Variants in PHTF1 observed in about 807,000 individuals in gnomAD.
PHTF1 encodes putative homeodomain transcription factor 1.
In PHTF1, 88 loss-of-function variants were observed where a neutral mutation model predicts 102.4. The ratio of observed to expected loss-of-function variants is 0.86; its 90% CI spans 0.72 to 1.03. The LOEUF is 1.03. PHTF1 is among the 50% of genes least tolerant of loss of function. The pLI is 0.00. For missense variants in PHTF1, 814 were observed against 909.5 expected (o/e 0.89, Z 1.35); for synonymous variants, 289 against 305.2 (o/e 0.95, Z 0.55).
At position 113,697,534 on chromosome 1, in the gene PHTF1, T is replaced by G. The variant is rs1234579219; in HGVS notation, c.*171A>C. The G allele has an allele frequency of 3.5e-6, 2 of 567,580 alleles. No homozygotes were observed. The highest frequency in any genetic ancestry group is 1.9e-5 in the African/African-American group (1 of 51,598). 35.2% of individuals were successfully genotyped at this position (567,580 alleles called of 1,614,324 possible). On this transcript the variant is annotated 3_prime_UTR_variant, in exon 19 of 19. Coordinates refer to ENST00000369604, the MANE Select transcript of PHTF1 (RefSeq NM_001323043.2). ...ACAGGTTTTTAGCATGCACACCCAG[T>G]TGGAAAAGGACTTGCTCCTCCGGAA...
intron 5 of PHTF1, among the ~76,000 whole-genome samples, chr1:113,733,590 A>G (rs1655041419): frequency 6.6e-6 from 1 of 152,100 alleles, no homozygotes; most frequent in Admixed American, 6.6e-5. Flanking sequence ...CATGAATGAG[A>G]TTAGTAACCT....
chr1:113,719,697 G>A (rs772334106), intron 7 of PHTF1, among the ~76,000 whole-genome samples: 5 of 152,094 alleles, frequency 3.3e-5, no homozygotes, highest in Admixed American at 2.0e-4. Flanking sequence ...TCTTCTGAGC[G>A]CTCCAAACTG....
chr1:113,728,957 A>T (rs1654232878), intron 5 of PHTF1, among the ~76,000 whole-genome samples: 1 of 152,182 alleles, frequency 6.6e-6, no homozygotes, highest in Non-Finnish European at 1.5e-5. Flanking sequence ...TCAGTATATC[A>T]AAGAGTCACT....
At chr1:113,731,822 G>T (rs1368106773) in intron 5 of PHTF1, among the ~76,000 whole-genome samples, 1 of 150,026 alleles carries the variant, frequency 6.7e-6, no homozygotes, top group African/African-American at 2.5e-5. Context: ...ACTTGAACCC[G>T]GGTGGCAGAG....
intron 3 of PHTF1, among the ~76,000 whole-genome samples, chr1:113,745,301 T>C (rs1431404757): frequency 6.6e-6 from 1 of 151,982 alleles, no homozygotes; most frequent in Non-Finnish European, 1.5e-5. Flanking sequence ...ATAATCAAAT[T>C]TGTGTTAAAA....
At chr1:113,726,612 C>T (rs2101458879) in intron 5 of PHTF1, 38 bp from the exon 6 acceptor site, 2 of 1,270,952 alleles carry the variant, frequency 1.6e-6, no homozygotes, top group Non-Finnish European at 2.2e-6. Flanking sequence ...AACATTAGAG[C>T]TCTTCTTTAA....
At chr1:113,725,974 GA>G (rs935821622) in intron 6 of PHTF1, 148 of 145,152 alleles carry the variant, frequency 1.0e-3, no homozygotes, top group South Asian at 2.1e-3. Context: ...GTCTCAAAAA[GA>G]AAAAAAAAAA....
At chr1:113,755,088 T>C (rs1658642593) in intron 3 of PHTF1, among the ~76,000 whole-genome samples, 1 of 152,030 alleles carries the variant, frequency 6.6e-6, no homozygotes, top group African/African-American at 2.4e-5. Flanking sequence ...TTCTGAATTA[T>C]ACTTTTAAAT....
intron 3 of PHTF1, among the ~76,000 whole-genome samples, chr1:113,739,218 T>C (rs1655974149): frequency 6.6e-6 from 1 of 152,216 alleles, no homozygotes; most frequent in Non-Finnish European, 1.5e-5. Context: ...GATTCCCTTT[T>C]ACTGGGGACA....
chr1:113,710,799 T>TAC (rs1650966948), intron 10 of PHTF1, among the ~76,000 whole-genome samples: 1 of 85,734 alleles, frequency 1.2e-5, no homozygotes, highest in Non-Finnish European at 2.4e-5. Flanking sequence ...CGGATATATA[T>TAC]ATATATATAT....
At chr1:113,718,911 G>A (rs1652496886) in intron 7 of PHTF1, among the ~76,000 whole-genome samples, 1 of 152,164 alleles carries the variant, frequency 6.6e-6, no homozygotes, top group African/African-American at 2.4e-5. Flanking sequence ...TTTCCCCATT[G>A]CTTGGGTATT....
At chr1:113,754,505 TTAAA>T (rs1403127484) in intron 3 of PHTF1, among the ~76,000 whole-genome samples, 1 of 152,224 alleles carries the variant, frequency 6.6e-6, no homozygotes, top group Admixed American at 6.5e-5. Context: ...CAAATATTTG[TTAAA>T]TAAATACGTA....
rs767404017 is a variant in PHTF1 at position 113,698,333 on chromosome 1, T to G, written c.2197A>C (p.Asn733His). Residue 733 changes from asparagine (N) to histidine (H), a missense_variant, in exon 18 of 19, where the codon AAT (asparagine) becomes CAT (histidine). Asn to His is a moderately conservative substitution (Grantham distance 68, BLOSUM62 1). Transcript: ENST00000369604. Reference protein sequence around the residue: ...YGLTMNPLIYNITRVVILSAV... With the variant: ...YGLTMNPLIYHITRVVILSAV... ...GAAAGGATAACTACTCTTGTGATATTGTAGATTAAGGGATTCATTGTCAGT... is the reference window on the plus strand; with the variant it reads ...GAAAGGATAACTACTCTTGTGATATGGTAGATTAAGGGATTCATTGTCAGT... 8.1e-5 allele frequency: 130 copies of G among 1,607,980 alleles called. No homozygotes were observed. Among genetic ancestry groups the G allele is most frequent in the Non-Finnish European group, 1.1e-4 (125 of 1,174,680 alleles).
intron 3 of PHTF1, among the ~76,000 whole-genome samples, chr1:113,756,108 C>T (rs1324828105): frequency 2.7e-5 from 4 of 150,508 alleles, no homozygotes; most frequent in Non-Finnish European, 5.9e-5. Context: ...TTTAAATTGG[C>T]TAGGGGAAGA....
intron 7 of PHTF1, among the ~76,000 whole-genome samples, chr1:113,719,006 T>A (rs1307429556): frequency 4.6e-5 from 7 of 152,078 alleles, no homozygotes; most frequent in Non-Finnish European, 8.8e-5. Flanking sequence ...TTTCTTCTTT[T>A]TTTTTTTCTT....
At chr1:113,740,574 T>A (rs1571219862) in intron 3 of PHTF1, among the ~76,000 whole-genome samples, 1 of 152,290 alleles carries the variant, frequency 6.6e-6, no homozygotes, top group South Asian at 2.1e-4. Context: ...TTTGATACAA[T>A]CCTATTTATC....
chr1:113,706,133 A>C lies in PHTF1; in HGVS notation c.1428T>G (p.Tyr476Ter). The change falls in exon 13 of 19, where the codon TAT (tyrosine) becomes TAG (stop). Residue 476 changes from tyrosine to a stop codon, truncating the protein, a stop_gained. Transcript: ENST00000369604. LOFTEE classifies it high-confidence loss of function. ...RVNAYQQGVG[Y>*]QMLGNVVTIG... ...TAGTGACAACATTTCCCAGCATCTGATAACCTACTCCTTGCTGATAGGCAT... is the reference window on the plus strand; with the variant it reads ...TAGTGACAACATTTCCCAGCATCTGCTAACCTACTCCTTGCTGATAGGCAT... 1 of 1,613,684 alleles carries C rather than the reference A, an allele frequency of 6.2e-7. No individual in the cohort carries two copies. Among genetic ancestry groups the C allele is most frequent in the Non-Finnish European group, 8.5e-7 (1 of 1,179,716 alleles).
At chr1:113,727,018 A>G (rs1314337631) in intron 5 of PHTF1, among the ~76,000 whole-genome samples, 1 of 151,700 alleles carries the variant, frequency 6.6e-6, no homozygotes, top group African/African-American at 2.4e-5. Context: ...TTTCATATAT[A>G]ATGAAGAAGA....
Position 113,710,408 on chromosome 1 carries a change from G to A in PHTF1, c.1115C>T (p.Thr372Ile). 5.6e-6 allele frequency: 9 copies of A among 1,614,074 alleles called. No homozygotes were observed. Among genetic ancestry groups the A allele is most frequent in the Non-Finnish European group, 6.8e-6 (8 of 1,179,990 alleles). Residue 372 changes from threonine (T) to isoleucine (I), a missense_variant, in exon 11 of 19, where the codon ACC (threonine) becomes ATC (isoleucine). Thr to Ile is a moderately conservative substitution (Grantham distance 89). Coordinates refer to ENST00000369604, the MANE Select transcript of PHTF1 (RefSeq NM_001323043.2). ...LNMSRRDSES[T>I]RHDSETEDML... ...GTCCTCAGTCTCCGAGTCATGGCGG[G>A]TGCTTTCTGAGTCTCTTCTTGACAT... is the stretch of plus-strand genomic sequence containing the variant.
Sources: allele counts gnomAD v4.1 joint callset (sites outside exome capture counted in the v4.1 genomes callset), GRCh38; gene constraint gnomAD v4.1.1; transcripts MANE v1.5; gene names NCBI Gene and HGNC (gene_info 2026-07-23, HGNC 2026-07-21).